Variants in COL25A1 observed in about 807,000 individuals in gnomAD.
COL25A1 encodes collagen alpha-1(XXV) chain.
COL25A1 carries 103 observed loss-of-function variants against 128.4 expected under a neutral mutation model. The ratio of observed to expected loss-of-function variants is 0.80; its 90% CI spans 0.68 to 0.94. The LOEUF (loss-of-function observed/expected upper bound fraction) is 0.94, where lower values mean the gene tolerates loss of function less well. Among genes scored for constraint, COL25A1 ranks in the 40% least tolerant of loss-of-function variants. The pLI, the probability that COL25A1 is intolerant of heterozygous loss-of-function variation, is 0.00. For synonymous variants in COL25A1, 279 were observed against 277.2 expected (o/e 1.01, Z -0.06); for missense variants, 745 against 840.0 (o/e 0.89, Z 1.40).
chr4:108,899,267 T>A, intron 14 of COL25A1, 87 bp from the exon 15 acceptor site: 1 of 1,231,604 alleles, frequency 8.1e-7, no homozygotes. Flanking sequence ...ATATTGAACT[T>A]ACTAGGTAAA....
intron 3 of COL25A1, among the ~76,000 whole-genome samples, chr4:109,234,082 A>G (rs1474956525): frequency 6.6e-6 from 1 of 152,170 alleles, no homozygotes; most frequent in African/African-American, 2.4e-5. Context: ...ATTCAATCTT[A>G]CTGCATTATC....
intron 14 of COL25A1, among the ~76,000 whole-genome samples, chr4:108,900,453 G>C (rs1200571061): frequency 3.9e-5 from 6 of 152,186 alleles, no homozygotes; most frequent in African/African-American, 1.4e-4. Flanking sequence ...TTAAACATTA[G>C]TTTTGTACTT....
chr4:109,227,586 G>A (rs1778889809), intron 3 of COL25A1, among the ~76,000 whole-genome samples: 1 of 152,108 alleles, frequency 6.6e-6, no homozygotes, highest in Non-Finnish European at 1.5e-5. Context: ...TTTCTGCTTT[G>A]GCAGCATCAA....
chr4:109,019,167 A>G (rs1484233122), intron 5 of COL25A1, among the ~76,000 whole-genome samples: 2 of 151,942 alleles, frequency 1.3e-5, no homozygotes, highest in African/African-American at 4.8e-5. Flanking sequence ...AACATGAAAA[A>G]GAGAGACCGG....
intron 3 of COL25A1, among the ~76,000 whole-genome samples, chr4:109,291,107 G>A (rs560151400): frequency 6.6e-6 from 1 of 152,238 alleles, no homozygotes; most frequent in Admixed American, 6.5e-5. Flanking sequence ...TGTCCTACCA[G>A]ACAAGTGACG....
intron 16 of COL25A1, among the ~76,000 whole-genome samples, chr4:108,894,102 T>C (rs1741857548): frequency 6.6e-6 from 1 of 152,214 alleles, no homozygotes; most frequent in Non-Finnish European, 1.5e-5. Flanking sequence ...GAGTTTATTA[T>C]GTGTGAGTCA....
chr4:108,843,059 A>G (rs1279255538), intron 30 of COL25A1, among the ~76,000 whole-genome samples: 1 of 149,628 alleles, frequency 6.7e-6, no homozygotes, highest in African/African-American at 2.5e-5. Flanking sequence ...TGATGTGGGA[A>G]GATCACCTGA....
In COL25A1 at chr4:109,298,589, C is replaced by G. The variant is rs527976567; in HGVS notation, c.367+1994G>C. 3.9e-5 allele frequency among the ~76,000 whole-genome samples: 6 copies of G among 152,136 alleles called. No individual in the cohort carries two copies. In the East Asian group the frequency reaches 1.2e-3, roughly 29 times the overall value. On this transcript the variant is annotated intron_variant, in intron 3 of 37. Transcript: ENST00000399132. ...TCTCTTTTCTAATCCTCTTGGTCAGCCCATTCATTCCCTAAGACAACTCCT... is the reference window on the plus strand; with the variant it reads ...TCTCTTTTCTAATCCTCTTGGTCAGGCCATTCATTCCCTAAGACAACTCCT...
intron 3 of COL25A1, among the ~76,000 whole-genome samples, chr4:109,081,228 C>T (rs1763807644): frequency 6.6e-6 from 1 of 152,108 alleles, no homozygotes; most frequent in Non-Finnish European, 1.5e-5. Flanking sequence ...GCTCAGCTTT[C>T]AATACTCTAT....
At chr4:109,227,532 C>T (rs1348634513) in intron 3 of COL25A1, among the ~76,000 whole-genome samples, 2 of 152,126 alleles carry the variant, frequency 1.3e-5, no homozygotes, top group Non-Finnish European at 2.9e-5. Flanking sequence ...TATAAACTGT[C>T]CATTTGAAAG....
At chr4:108,875,885 A>T (rs1163482411) in intron 19 of COL25A1, among the ~76,000 whole-genome samples, 2 of 152,198 alleles carry the variant, frequency 1.3e-5, no homozygotes, top group Admixed American at 1.3e-4. Context: ...TGCCGCCATA[A>T]AAAAGGATGA....
At position 108,812,016 on chromosome 4, in the gene COL25A1, T is replaced by C. The variant is rs13151012; in HGVS notation, c.*1911A>G. ...TAGAAATCTTCCCAGAAGATGGCAT[T>C]GAGTCAGGAGAGAAATTAAATTCTC... On this transcript the variant is annotated 3_prime_UTR_variant, in exon 38 of 38. Coordinates refer to ENST00000399132, the MANE Select transcript of COL25A1 (RefSeq NM_198721.4). 75,540 of 151,952 alleles carry C rather than the reference T, an allele frequency of 0.5. 19,610 individuals are homozygous for C. The highest frequency in any genetic ancestry group is 0.65 in the Middle Eastern group (189 of 292). 9.4% of individuals were successfully genotyped at this position (151,952 alleles called of 1,614,324 possible).
chr4:108,899,260 T>G (rs1742538033), intron 14 of COL25A1, 80 bp from the exon 15 acceptor site: 2 of 1,280,684 alleles, frequency 1.6e-6, no homozygotes, highest in Admixed American at 2.1e-5. Flanking sequence ...AAAACAGATA[T>G]TGAACTTACT....
At chr4:108,835,562 T>G (rs1733677077) in intron 31 of COL25A1, among the ~76,000 whole-genome samples, 1 of 150,204 alleles carries the variant, frequency 6.7e-6, no homozygotes, top group Non-Finnish European at 1.5e-5. Flanking sequence ...CATACATTCT[T>G]TTTTTTTTTG....
At chr4:109,098,772 C>T (rs569165100) in intron 3 of COL25A1, among the ~76,000 whole-genome samples, 11 of 152,272 alleles carry the variant, frequency 7.2e-5, no homozygotes, top group African/African-American at 2.6e-4. Flanking sequence ...CCCCTATTCC[C>T]CAATCTACTT....
intron 3 of COL25A1, among the ~76,000 whole-genome samples, chr4:109,253,888 C>T (rs986886523): frequency 3.3e-5 from 5 of 152,136 alleles, no homozygotes; most frequent in South Asian, 2.1e-4. Context: ...GAGATTGAGA[C>T]CATCCTGGCT....
intron 8 of COL25A1, 33 bp from the exon 9 acceptor site, chr4:108,941,470 T>C: frequency 6.5e-7 from 1 of 1,526,860 alleles, no homozygotes; most frequent in Non-Finnish European, 9.1e-7. Context: ...AGGTTGAAGT[T>C]CAGAGATGAG....
At position 108,926,021 on chromosome 4, in the gene COL25A1, T is replaced by C. The variant is rs185980679; in HGVS notation, c.709-5417A>G. Among the ~76,000 whole-genome samples, 24 of 152,274 alleles carry C rather than the reference T, an allele frequency of 1.6e-4. No individual in the cohort carries two copies. The East Asian group carries it at 3.9e-3, about 24-fold the overall frequency. On this transcript the variant is annotated intron_variant, in intron 11 of 37. Transcript: ENST00000399132. The stretch of plus-strand genomic sequence containing the variant: ...TAAGAAAAGAATGACTCTGTGACCA[T>C]TATGTGTTGGCTGTACTTTCCAGTT...
chr4:109,006,203 TAAC>T (rs1435091913), intron 6 of COL25A1, among the ~76,000 whole-genome samples: 2 of 145,996 alleles, frequency 1.4e-5, no homozygotes, highest in South Asian at 4.5e-4. Context: ...TAAAAACCCA[TAAC>T]AAGCTTCTAA....
Sources: allele counts gnomAD v4.1 joint callset (sites outside exome capture counted in the v4.1 genomes callset), GRCh38; gene constraint gnomAD v4.1.1; transcripts MANE v1.5; gene names NCBI Gene and HGNC (gene_info 2026-07-23, HGNC 2026-07-21).